PCSK2: variants seen among roughly 807,000 people sequenced by gnomAD.
PCSK2 encodes neuroendocrine convertase 2.
PCSK2 carries 14 observed loss-of-function variants against 69.7 expected under a neutral mutation model. That is an observed-to-expected ratio of 0.20 (90% CI 0.13 to 0.31). The LOEUF is 0.31. Ranked by LOEUF, PCSK2 falls within the 10% of genes least tolerant of loss-of-function variation. The pLI, the probability that PCSK2 is intolerant of heterozygous loss-of-function variation, is 1.00. For missense variants in PCSK2, 544 were observed against 842.5 expected (o/e 0.65, Z 4.39); for synonymous variants, 307 against 320.7 (o/e 0.96, Z 0.46).
intron 4 of PCSK2, among the ~76,000 whole-genome samples, chr20:17,361,586 T>C (rs561277819): frequency 6.6e-6 from 1 of 152,322 alleles, no homozygotes; most frequent in South Asian, 2.1e-4. Context: ...GTTGAGCCTT[T>C]CCCATCCGAA....
At chr20:17,439,089 T>G (rs765302033) in intron 8 of PCSK2, among the ~76,000 whole-genome samples, 2 of 152,140 alleles carry the variant, frequency 1.3e-5, no homozygotes, top group Non-Finnish European at 2.9e-5. Flanking sequence ...AGCTTAGAAC[T>G]AAGTGTGTGC....
chr20:17,284,069 T>A (rs546702022), intron 2 of PCSK2, among the ~76,000 whole-genome samples: 39 of 152,328 alleles, frequency 2.6e-4, no homozygotes, highest in African/African-American at 9.4e-4. Context: ...CATTGTTATA[T>A]CAACTCCACC....
At chr20:17,353,469 A>C (rs926347224) in intron 2 of PCSK2, among the ~76,000 whole-genome samples, 3 of 151,538 alleles carry the variant, frequency 2.0e-5, no homozygotes, top group African/African-American at 7.3e-5. Context: ...ATCACACAAA[A>C]AAAAAAAAAA....
chr20:17,274,079 G>T (rs934248112), intron 2 of PCSK2, among the ~76,000 whole-genome samples: 3 of 152,116 alleles, frequency 2.0e-5, no homozygotes, highest in Non-Finnish European at 4.4e-5. Context: ...AGACAAACTG[G>T]ATTTGGGGAG....
At chr20:17,231,765 G>A (rs1986150763) in intron 1 of PCSK2, among the ~76,000 whole-genome samples, 1 of 152,186 alleles carries the variant, frequency 6.6e-6, no homozygotes, top group Admixed American at 6.5e-5. Context: ...GGTATAGGCT[G>A]CTGGGTCCCA....
intron 2 of PCSK2, among the ~76,000 whole-genome samples, chr20:17,356,424 A>C (rs1250935798): frequency 6.6e-6 from 1 of 152,122 alleles, no homozygotes; most frequent in Non-Finnish European, 1.5e-5. Flanking sequence ...TTCTCTGGTA[A>C]ATGAGCTTCA....
chr20:17,236,896 G>A (rs1004848333), intron 1 of PCSK2, among the ~76,000 whole-genome samples: 2 of 152,170 alleles, frequency 1.3e-5, no homozygotes, highest in African/African-American at 2.4e-5. Flanking sequence ...TGTTCAGAGG[G>A]AAGGAAGAGG....
At chr20:17,442,746 A>G (rs774750946) in intron 8 of PCSK2, among the ~76,000 whole-genome samples, 1 of 152,210 alleles carries the variant, frequency 6.6e-6, no homozygotes, top group Non-Finnish European at 1.5e-5. Flanking sequence ...GAAATTCAAC[A>G]TGGAAATTGA....
intron 6 of PCSK2, among the ~76,000 whole-genome samples, chr20:17,422,866 T>C (rs1458043809): frequency 1.3e-5 from 2 of 151,816 alleles, no homozygotes; most frequent in Non-Finnish European, 2.9e-5. Flanking sequence ...AAGATAGCAA[T>C]AAAAACAATA....
chr20:17,453,979 C>T lies in PCSK2; in HGVS notation c.1101+22C>T. The T allele has an allele frequency of 1.2e-6, 2 of 1,613,480 alleles. No individual in the cohort carries two copies. The highest frequency in any genetic ancestry group is 1.7e-6 in the Non-Finnish European group (2 of 1,179,802). ...TGTGGTGAGCACGTCCCCTTCTGTC[C>T]TTGTTTCCTTAGGGCCACTGCACCT... On this transcript the variant is annotated intron_variant, in intron 9 of 11. Transcript: ENST00000262545. The surrounding 1 kb of genome is among the most constrained non-coding windows in gnomAD (Gnocchi z 4.0).
chr20:17,445,227 G>A (rs1006573357), intron 8 of PCSK2, among the ~76,000 whole-genome samples: 1 of 152,146 alleles, frequency 6.6e-6, no homozygotes, highest in Non-Finnish European at 1.5e-5. Flanking sequence ...CAACCAGAAG[G>A]GGAATTCGGG....
At chr20:17,368,596 T>G (rs1210423) in intron 4 of PCSK2, among the ~76,000 whole-genome samples, 1 of 152,204 alleles carries the variant, frequency 6.6e-6, no homozygotes, top group Non-Finnish European at 1.5e-5. Context: ...AAGGGTCTGA[T>G]GGAACTCAGC....
intron 2 of PCSK2, among the ~76,000 whole-genome samples, chr20:17,303,369 A>G (rs1989158449): frequency 7.9e-6 from 1 of 126,358 alleles, no homozygotes; most frequent in Non-Finnish European, 1.6e-5. Flanking sequence ...TATATGATAT[A>G]TAATTATATA....
intron 7 of PCSK2, among the ~76,000 whole-genome samples, chr20:17,432,890 A>G (rs2032397566): frequency 6.6e-6 from 1 of 152,188 alleles, no homozygotes; most frequent in African/African-American, 2.4e-5. Flanking sequence ...ACAGTCTAGG[A>G]GGAGAAAAAG....
At chr20:17,402,640 A>C (rs1406534655) in intron 5 of PCSK2, among the ~76,000 whole-genome samples, 4 of 146,734 alleles carry the variant, frequency 2.7e-5, no homozygotes, top group Admixed American at 1.4e-4. Flanking sequence ...AAGCCTGGGC[A>C]ACAGAGCAAG....
chr20:17,300,245 G>T (rs964342532), intron 2 of PCSK2, among the ~76,000 whole-genome samples: 3 of 152,218 alleles, frequency 2.0e-5, no homozygotes, highest in Non-Finnish European at 4.4e-5. Context: ...CTCATTAGAA[G>T]TCCACAGCCC....
chr20:17,439,877 T>C (rs1413581649), intron 8 of PCSK2, among the ~76,000 whole-genome samples: 2 of 152,194 alleles, frequency 1.3e-5, no homozygotes, highest in Non-Finnish European at 2.9e-5. Flanking sequence ...TTCCAGGTCT[T>C]TGTGACATTC....
intron 2 of PCSK2, among the ~76,000 whole-genome samples, chr20:17,329,160 T>C (rs1990146609): frequency 6.6e-6 from 1 of 152,228 alleles, no homozygotes; most frequent in Admixed American, 6.5e-5. Flanking sequence ...TTTCTCTTTG[T>C]ATTTGGCAAA....
intron 8 of PCSK2, among the ~76,000 whole-genome samples, chr20:17,444,866 G>A (rs1339374617): frequency 1.3e-5 from 2 of 152,208 alleles, no homozygotes; most frequent in South Asian, 2.1e-4. Context: ...CATTGATGAG[G>A]TTTGTTCCCA....
Sources: allele counts gnomAD v4.1 joint callset (sites outside exome capture counted in the v4.1 genomes callset), GRCh38; gene constraint gnomAD v4.1.1; non-coding constraint Gnocchi (gnomAD v3.1); transcripts MANE v1.5; gene names NCBI Gene and HGNC (gene_info 2026-07-23, HGNC 2026-07-21).